ZC3H12B: variants seen among roughly 807,000 people sequenced by gnomAD.
ZC3H12B encodes probable ribonuclease ZC3H12B.
In ZC3H12B, 7 loss-of-function variants were observed where a neutral mutation model predicts 43.9. The ratio of observed to expected loss-of-function variants is 0.16; its 90% CI spans 0.09 to 0.30. The LOEUF is 0.30. ZC3H12B is among the 10% of genes least tolerant of loss of function. ZC3H12B has a pLI of 1.00. For synonymous variants in ZC3H12B, 222 were observed against 241.7 expected (o/e 0.92, Z 0.76); for missense variants, 475 against 670.2 (o/e 0.71, Z 3.22).
chrX:65,379,522 A>T (rs1264659084), intron 2 of ZC3H12B, among the ~76,000 whole-genome samples: 1 of 112,116 alleles, frequency 8.9e-6, no homozygotes, highest in African/African-American at 3.2e-5. Context: ...CAGAGCAGAA[A>T]AACTGGAAAC....
the ZC3H12B span, among the ~76,000 whole-genome samples, chrX:65,289,195 C>G: frequency 1.8e-5 from 2 of 110,541 alleles, no homozygotes; most frequent in East Asian, 5.6e-4. Context: ...AATGTAATCC[C>G]AATCAAAATA....
the ZC3H12B span, among the ~76,000 whole-genome samples, chrX:65,355,212 C>A: frequency 9.0e-6 from 1 of 111,217 alleles, no homozygotes; most frequent in Non-Finnish European, 1.9e-5. Flanking sequence ...CAGCCAGAGA[C>A]AAAGGTTGGG....
chrX:65,061,356 G>A, the ZC3H12B span, among the ~76,000 whole-genome samples: 260 of 110,984 alleles, frequency 2.3e-3, 2 homozygotes, highest in African/African-American at 7.7e-3. Context: ...GTGATGTTCC[G>A]CTCCCTTTGT....
chrX:65,329,763 C>T, the ZC3H12B span, among the ~76,000 whole-genome samples: 1 of 111,657 alleles, frequency 9.0e-6, no homozygotes, highest in South Asian at 3.7e-4. Context: ...CAGCTTTCTA[C>T]ATATGGCTAG....
chrX:65,459,072 T>C (rs1421916477), intron 3 of ZC3H12B, among the ~76,000 whole-genome samples: 1 of 111,794 alleles, frequency 8.9e-6, no homozygotes, highest in African/African-American at 3.3e-5. Context: ...CAGAGAATAC[T>C]ATAAACACCT....
intron 3 of ZC3H12B, chrX:65,408,776 G>C: frequency 2.2e-6 from 1 of 463,854 alleles, no homozygotes; most frequent in Non-Finnish European, 3.6e-6. Flanking sequence ...AATGAGATAA[G>C]AGGAACTGTC....
At chrX:65,299,409 A>G in the ZC3H12B span, among the ~76,000 whole-genome samples, 1 of 112,148 alleles carries the variant, frequency 8.9e-6, no homozygotes, top group Non-Finnish European at 1.9e-5. Context: ...ATGATGTCCA[A>G]CTATATATAA....
At chrX:65,228,765 A>T in the ZC3H12B span, among the ~76,000 whole-genome samples, 6 of 111,950 alleles carry the variant, frequency 5.4e-5, 1 homozygote, top group African/African-American at 2.0e-4. Context: ...AAAAATCATA[A>T]GTGAACTCCC....
At chrX:65,087,879 T>A in the ZC3H12B span, among the ~76,000 whole-genome samples, 1 of 112,007 alleles carries the variant, frequency 8.9e-6, no homozygotes, top group Non-Finnish European at 1.9e-5. Context: ...TTGGTTGGAG[T>A]CATGAAATCA....
At chrX:65,348,688 CA>C in the ZC3H12B span, among the ~76,000 whole-genome samples, 8,677 of 50,174 alleles carry the variant, frequency 0.17, 951 homozygotes, top group African/African-American at 0.42. Flanking sequence ...AAATGGCAAG[CA>C]AAAAAAAAAA....
At chrX:65,251,843 G>A in the ZC3H12B span, among the ~76,000 whole-genome samples, 6 of 111,336 alleles carry the variant, frequency 5.4e-5, no homozygotes, top group East Asian at 1.4e-3. Flanking sequence ...GGGCTGAGAT[G>A]ATGGGGTTTT....
At chrX:65,326,774 C>T in the ZC3H12B span, among the ~76,000 whole-genome samples, 685 of 111,028 alleles carry the variant, frequency 6.2e-3, 1 homozygote, top group Admixed American at 8.9e-3. Context: ...ACATTAACTT[C>T]AAATAATAAA....
chrX:65,494,998 C>T (rs1602534339), intron 1 of ZC3H12B, among the ~76,000 whole-genome samples: 1 of 110,976 alleles, frequency 9.0e-6, no homozygotes, highest in African/African-American at 3.3e-5. Context: ...ATTCTTTATA[C>T]TTACCAGCAC....
chrX:65,384,368 G>A (rs1314447961), intron 2 of ZC3H12B, among the ~76,000 whole-genome samples: 1 of 110,946 alleles, frequency 9.0e-6, no homozygotes, highest in East Asian at 2.8e-4. Context: ...GGGGACTGTT[G>A]TGGGGTGTGG....
At chrX:65,064,850 G>A in the ZC3H12B span, among the ~76,000 whole-genome samples, 1 of 111,773 alleles carries the variant, frequency 8.9e-6, no homozygotes, top group Non-Finnish European at 1.9e-5. Context: ...TATATATTTA[G>A]GATAGTTAGC....
chrX:65,431,986 T>A (rs1256047042), intron 3 of ZC3H12B, among the ~76,000 whole-genome samples: 2 of 112,127 alleles, frequency 1.8e-5, no homozygotes, highest in African/African-American at 3.2e-5. Flanking sequence ...AAGAACCATC[T>A]GTAATCCATG....
chrX:65,150,496 AC>A, the ZC3H12B span, among the ~76,000 whole-genome samples: 9 of 107,402 alleles, frequency 8.4e-5, no homozygotes, highest in Non-Finnish European at 1.5e-4. Context: ...CCTGCCCCCG[AC>A]CCCCCAACAG....
At chrX:65,072,592 T>C in the ZC3H12B span, among the ~76,000 whole-genome samples, 1 of 112,011 alleles carries the variant, frequency 8.9e-6, no homozygotes, top group African/African-American at 3.3e-5. Flanking sequence ...ATGACCTTGA[T>C]AGTTTGTGGT....
the ZC3H12B span, among the ~76,000 whole-genome samples, chrX:65,202,103 T>TATATGTAATATATATATTAC: frequency 6.6e-5 from 5 of 75,204 alleles, no homozygotes; most frequent in Admixed American, 3.1e-4. Context: ...ATATATATTT[T>TATATGTAATATATATATTAC]ATATAATATA....
Sources: allele counts gnomAD v4.1 joint callset (sites outside exome capture counted in the v4.1 genomes callset), GRCh38; gene constraint gnomAD v4.1.1; transcripts MANE v1.5; gene names NCBI Gene and HGNC (gene_info 2026-07-23, HGNC 2026-07-21).